Variants in GPHN observed in about 807,000 individuals in gnomAD.
GPHN encodes the protein gephyrin.
A neutral mutation model predicts 95.5 loss-of-function variants in GPHN; 17 were observed. That is an observed-to-expected ratio of 0.18 (90% CI 0.12 to 0.27). The LOEUF (loss-of-function observed/expected upper bound fraction) is 0.27, where lower values mean the gene tolerates loss of function less well. Ranked by LOEUF, GPHN falls within the 10% of genes least tolerant of loss-of-function variation. The probability of loss-of-function intolerance (pLI) is 1.00; values close to 1 mark genes in which losing one functional copy is unlikely to be tolerated. For synonymous variants in GPHN, 320 were observed against 322.5 expected, an observed-to-expected ratio of 0.99 and a Z score of 0.08; for missense variants, 660 against 978.1, an observed-to-expected ratio of 0.67 and a Z score of 4.34.
At chr14:66,643,992 C>T (rs775529397) in intron 1 of GPHN, among the ~76,000 whole-genome samples, 3 of 151,808 alleles carry the variant, frequency 2.0e-5, no homozygotes, top group Non-Finnish European at 4.4e-5. Flanking sequence ...GCCAACTGAG[C>T]CAGCTGAGAT....
chr14:67,480,379 G>C, the GPHN span, among the ~76,000 whole-genome samples: 3 of 152,162 alleles, frequency 2.0e-5, no homozygotes, highest in Admixed American at 1.3e-4. Context: ...GACATCCCGG[G>C]AGACTGAAGG....
At chr14:67,530,395 A>C in the GPHN span, among the ~76,000 whole-genome samples, 62 of 152,186 alleles carry the variant, frequency 4.1e-4, no homozygotes, top group Admixed American at 3.8e-3. Context: ...GCCAGTTCCA[A>C]GTTCCCCTTT....
chr14:67,367,091 C>T, the GPHN span, among the ~76,000 whole-genome samples: 2 of 152,092 alleles, frequency 1.3e-5, no homozygotes, highest in African/African-American at 2.4e-5. Context: ...CTGGTTTGTC[C>T]CTGAACTACT....
Position 66,951,760 on chromosome 14 carries a change from A to G in GPHN, c.829-13431A>G, listed in dbSNP as rs56387164. On this transcript the variant is annotated intron_variant, in intron 8 of 22. Transcript: ENST00000478722. ...AGAATTTAAAGCCCAAAACACACCA[A>G]CACACATATGGTCACTTATTGTATG... Among the ~76,000 whole-genome samples the G allele has an allele frequency of 5.0e-3, 763 of 152,314 alleles. 3 individuals are homozygous for G. The highest frequency in any genetic ancestry group is 7.7e-3 in the Non-Finnish European group (523 of 68,024).
chr14:66,830,373 T>A (rs935024648), intron 4 of GPHN, among the ~76,000 whole-genome samples: 1 of 152,134 alleles, frequency 6.6e-6, no homozygotes, highest in African/African-American at 2.4e-5. Flanking sequence ...AAAATATCCC[T>A]TATTCTAAAT....
At chr14:66,707,099 A>C (rs1188941158) in intron 2 of GPHN, among the ~76,000 whole-genome samples, 1 of 152,166 alleles carries the variant, frequency 6.6e-6, no homozygotes, top group Non-Finnish European at 1.5e-5. Flanking sequence ...AATGCAAATC[A>C]AAACCACAAT....
chr14:67,573,282 C>G, the GPHN span: 1 of 1,608,954 alleles, frequency 6.2e-7, no homozygotes, highest in Non-Finnish European at 8.5e-7. The surrounding 1 kb of genome is among the most constrained non-coding windows in gnomAD (Gnocchi z 4.8). Flanking sequence ...TCAGGAGTCA[C>G]TGGAGAAGTC....
chr14:67,308,897 G>A, the GPHN span, among the ~76,000 whole-genome samples: 1 of 151,750 alleles, frequency 6.6e-6, no homozygotes, highest in Non-Finnish European at 1.5e-5. Flanking sequence ...ACAATATTTT[G>A]GAACATTGGA....
intron 1 of GPHN, among the ~76,000 whole-genome samples, chr14:66,608,375 G>T (rs974385364): frequency 6.6e-6 from 1 of 151,738 alleles, no homozygotes; most frequent in Admixed American, 6.6e-5. Context: ...TGATTTTTTT[G>T]AATTTATTGA....
At chr14:66,957,597 G>C (rs374869132) in intron 8 of GPHN, among the ~76,000 whole-genome samples, 1 of 152,068 alleles carries the variant, frequency 6.6e-6, no homozygotes, top group East Asian at 1.9e-4. Context: ...GACCTATTTT[G>C]TGGCCTAATA....
chr14:67,607,655 A>T, the GPHN span, among the ~76,000 whole-genome samples: 22 of 152,022 alleles, frequency 1.4e-4, no homozygotes, highest in Non-Finnish European at 2.4e-4. Context: ...GTGAGCCACC[A>T]CGCCCGGCCT....
the GPHN span, among the ~76,000 whole-genome samples, chr14:67,319,048 A>ACT: frequency 1.4e-5 from 2 of 147,312 alleles, no homozygotes; most frequent in African/African-American, 2.6e-5. Context: ...ACAGAGCGAG[A>ACT]CTCCGTCTCA....
chr14:67,677,223 GGCA>G, the GPHN span: 3 of 151,918 alleles, frequency 2.0e-5, no homozygotes, highest in Non-Finnish European at 4.4e-5. Context: ...ACAAAATTTT[GGCA>G]CAGACATTTT....
chr14:67,172,991 C>T (rs574846982), intron 21 of GPHN, among the ~76,000 whole-genome samples: 2 of 152,276 alleles, frequency 1.3e-5, no homozygotes, highest in East Asian at 3.9e-4. Flanking sequence ...AGGGGCAACC[C>T]TTCTTCTCTG....
At chr14:67,633,448 C>T in the GPHN span, among the ~76,000 whole-genome samples, 3 of 152,232 alleles carry the variant, frequency 2.0e-5, no homozygotes, top group African/African-American at 4.8e-5. Context: ...TATCCATTAA[C>T]TTGTCTCCAT....
chr14:66,973,972 GC>G (rs2070013848), intron 9 of GPHN, among the ~76,000 whole-genome samples: 1 of 152,088 alleles, frequency 6.6e-6, no homozygotes, highest in South Asian at 2.1e-4. Context: ...TCAATACTCA[GC>G]TAATATTCTT....
chr14:66,528,090 T>G (rs2058763359), intron 1 of GPHN, among the ~76,000 whole-genome samples: 1 of 152,208 alleles, frequency 6.6e-6, no homozygotes, highest in Non-Finnish European at 1.5e-5. Flanking sequence ...ACTATTATTG[T>G]GTGGGAGTCT....
the GPHN span, among the ~76,000 whole-genome samples, chr14:67,290,796 A>G: frequency 1.3e-5 from 2 of 152,144 alleles, no homozygotes; most frequent in African/African-American, 4.8e-5. Context: ...CAGTTTCCCA[A>G]AGTGCTGGGG....
At chr14:66,859,878 A>G (rs940426007) in intron 4 of GPHN, among the ~76,000 whole-genome samples, 12 of 152,310 alleles carry the variant, frequency 7.9e-5, no homozygotes, top group African/African-American at 2.9e-4. Context: ...TCGATCAATC[A>G]GAAGAAAGAA....
Sources: gnomAD v4.1 joint callset for allele counts (sites outside exome capture counted in the v4.1 genomes callset) on GRCh38, gnomAD v4.1.1 for gene constraint, Gnocchi (gnomAD v3.1) non-coding constraint, MANE v1.5 for transcripts, NCBI Gene and HGNC (gene_info 2026-07-23, HGNC 2026-07-21) for gene names.